Variants in UNC13C observed in about 807,000 individuals in gnomAD.
UNC13C encodes the protein protein unc-13 homolog C.
In UNC13C, 174 loss-of-function variants were observed where a neutral mutation model predicts 245.4. The ratio of observed to expected loss-of-function variants is 0.71; its 90% CI spans 0.63 to 0.80. UNC13C has a LOEUF of 0.80. Ranked by LOEUF, UNC13C falls within the 30% of genes least tolerant of loss-of-function variation. The pLI, the probability that UNC13C is intolerant of heterozygous loss-of-function variation, is 0.00. For synonymous variants in UNC13C, 992 were observed against 895.1 expected (o/e 1.11, Z -1.93); for missense variants, 2,829 against 2,602.9 (o/e 1.09, Z -1.89).
chr15:53,987,275 A>C (rs1348729693), intron 1 of UNC13C, among the ~76,000 whole-genome samples: 1 of 151,964 alleles, frequency 6.6e-6, no homozygotes, highest in Non-Finnish European at 1.5e-5. Context: ...TTCAAATTTT[A>C]TTTTATTTAG....
intron 8 of UNC13C, among the ~76,000 whole-genome samples, chr15:54,254,774 C>T (rs1031444334): frequency 2.6e-5 from 4 of 152,092 alleles, no homozygotes; most frequent in Admixed American, 2.6e-4. Flanking sequence ...AAAGTCAATC[C>T]TAGGGGGAAG....
intron 30 of UNC13C, among the ~76,000 whole-genome samples, chr15:54,613,506 A>G (rs1900236665): frequency 6.6e-6 from 1 of 151,950 alleles, no homozygotes; most frequent in Non-Finnish European, 1.5e-5. Context: ...AAACTGTACA[A>G]TGATACTCAT....
At chr15:54,383,906 C>T (rs966694482) in intron 17 of UNC13C, among the ~76,000 whole-genome samples, 10 of 151,846 alleles carry the variant, frequency 6.6e-5, no homozygotes, top group Non-Finnish European at 1.0e-4. Flanking sequence ...AAGGCAGTCT[C>T]ATTTTCAATA....
chr15:54,320,780 C>CCCAA (rs2038133952), intron 13 of UNC13C: 1 of 374,562 alleles, frequency 2.7e-6, no homozygotes, highest in African/African-American at 2.1e-5. Context: ...CCATGACCAC[C>CCCAA]TTGGTTTCCT....
chr15:54,525,704 T>C, intron 25 of UNC13C, 67 bp downstream of exon 25: 1 of 1,307,450 alleles, frequency 7.6e-7, no homozygotes, highest in Non-Finnish European at 1.1e-6. Context: ...ATTCTTGCCT[T>C]CAATGCTGTT....
At chr15:54,296,304 C>A (rs2140939826) in intron 11 of UNC13C, among the ~76,000 whole-genome samples, 1 of 152,088 alleles carries the variant, frequency 6.6e-6, no homozygotes, top group South Asian at 2.1e-4. Flanking sequence ...AGGTTCACAC[C>A]ATTCTGCTGC....
At chr15:54,267,794 G>T (rs938829259) in intron 10 of UNC13C, among the ~76,000 whole-genome samples, 3 of 151,844 alleles carry the variant, frequency 2.0e-5, no homozygotes, top group African/African-American at 7.3e-5. Flanking sequence ...TTGGGACTGT[G>T]GGTCTACAGT....
chr15:54,308,550 A>G (rs1194843060), intron 13 of UNC13C, among the ~76,000 whole-genome samples: 1 of 151,820 alleles, frequency 6.6e-6, no homozygotes, highest in East Asian at 1.9e-4. Context: ...AATACAATGC[A>G]TTGTTATTAA....
At chr15:54,570,148 C>G (rs1191827953) in intron 30 of UNC13C, among the ~76,000 whole-genome samples, 1 of 152,106 alleles carries the variant, frequency 6.6e-6, no homozygotes, top group Non-Finnish European at 1.5e-5. Flanking sequence ...TTCTGGGGAC[C>G]CTCCTATCTG....
intron 2 of UNC13C, among the ~76,000 whole-genome samples, chr15:54,080,593 T>C (rs1020531111): frequency 6.6e-6 from 1 of 152,068 alleles, no homozygotes; most frequent in Non-Finnish European, 1.5e-5. Context: ...TCTTGGTTTC[T>C]ATTTTGTACA....
At chr15:54,491,148 G>A (rs1893683037) in intron 19 of UNC13C, among the ~76,000 whole-genome samples, 1 of 152,118 alleles carries the variant, frequency 6.6e-6, no homozygotes, top group Non-Finnish European at 1.5e-5. Context: ...TTTTTTGGTA[G>A]TAAATGAAAC....
At chr15:53,965,106 AC>A in the UNC13C span, among the ~76,000 whole-genome samples, 1 of 152,224 alleles carries the variant, frequency 6.6e-6, no homozygotes, top group Admixed American at 6.5e-5. Context: ...GCAACACAGC[AC>A]AAAATAACTG....
rs1230861951 is a variant in UNC13C, at chr15:53,986,494, A to G, written c.-257+7567A>G. 3.9e-5 allele frequency among the ~76,000 whole-genome samples: 6 copies of G among 152,120 alleles called. No individual in the cohort carries two copies. In the South Asian group the frequency reaches 6.2e-4, roughly 16 times the overall value. On this transcript the variant is annotated intron_variant, in intron 1 of 32. Transcript: ENST00000260323. ...GTTGATTGTTGTTTTAGAAATATAC[A>G]GAATCCTTCTATAAGAATGAATAAG... is the stretch of plus-strand genomic sequence containing the variant.
the UNC13C span, among the ~76,000 whole-genome samples, chr15:53,899,007 T>C: frequency 1.3e-5 from 2 of 152,054 alleles, no homozygotes; most frequent in Admixed American, 1.3e-4. Context: ...CTTGAGGGTT[T>C]TGTGCTTATC....
At chr15:54,415,294 T>C (rs1252084774) in intron 19 of UNC13C, among the ~76,000 whole-genome samples, 1 of 152,168 alleles carries the variant, frequency 6.6e-6, no homozygotes, top group Non-Finnish European at 1.5e-5. Flanking sequence ...TCTTGGATCA[T>C]AAAAATATTT....
intron 1 of UNC13C, among the ~76,000 whole-genome samples, chr15:53,988,861 A>G (rs1894260328): frequency 6.6e-6 from 1 of 152,010 alleles, no homozygotes; most frequent in Non-Finnish European, 1.5e-5. Context: ...CAAACCTAGT[A>G]TAGCTCACAA....
intron 4 of UNC13C, among the ~76,000 whole-genome samples, chr15:54,211,962 C>A (rs561628500): frequency 6.6e-6 from 1 of 152,174 alleles, no homozygotes; most frequent in South Asian, 2.1e-4. Context: ...GTTTTGCTGG[C>A]TTATTCACTC....
the UNC13C span, among the ~76,000 whole-genome samples, chr15:53,864,442 A>T: frequency 6.6e-6 from 1 of 152,176 alleles, no homozygotes; most frequent in Non-Finnish European, 1.5e-5. Context: ...AACCTCTTTC[A>T]AAGAAAGCTA....
intron 2 of UNC13C, among the ~76,000 whole-genome samples, chr15:54,027,391 CAG>C (rs1896157756): frequency 6.6e-6 from 1 of 151,996 alleles, no homozygotes; most frequent in African/African-American, 2.4e-5. Flanking sequence ...GTTTTTGAGA[CAG>C]AGTCTCGCTC....
Sources: allele counts gnomAD v4.1 joint callset (sites outside exome capture counted in the v4.1 genomes callset), GRCh38; gene constraint gnomAD v4.1.1; transcripts MANE v1.5; gene names NCBI Gene and HGNC (gene_info 2026-07-23, HGNC 2026-07-21).